SPMIP11: variants seen among roughly 807,000 people sequenced by gnomAD.
SPMIP11 encodes the protein long intergenic non-protein coding RNA 935.
the SPMIP11 span, among the ~76,000 whole-genome samples, chr12:48,754,957 G>A: frequency 1.3e-5 from 2 of 149,150 alleles, no homozygotes. Context: ...ATGCCTGGCT[G>A]CAAATACCCT....
chr12:48,738,611 T>C, the SPMIP11 span, among the ~76,000 whole-genome samples: 1 of 151,856 alleles, frequency 6.6e-6, no homozygotes, highest in Non-Finnish European at 1.5e-5. Context: ...CTTGGCTCAC[T>C]GCAAGCTCCG....
the SPMIP11 span, among the ~76,000 whole-genome samples, chr12:48,741,965 C>T: frequency 6.6e-6 from 1 of 152,184 alleles, no homozygotes; most frequent in Non-Finnish European, 1.5e-5. Flanking sequence ...ATCAAACTTT[C>T]ACCCACTGAT....
At chr12:48,738,919 C>G in the SPMIP11 span, among the ~76,000 whole-genome samples, 1 of 124,940 alleles carries the variant, frequency 8.0e-6, no homozygotes, top group East Asian at 2.8e-4. Flanking sequence ...ACCTTCATAT[C>G]AGAACTTTTT....
chr12:48,744,835 AG>A, the SPMIP11 span, among the ~76,000 whole-genome samples: 1 of 152,012 alleles, frequency 6.6e-6, no homozygotes, highest in Admixed American at 6.6e-5. Context: ...AGAAAGAAGA[AG>A]AAAAAAAGAA....
chr12:48,742,277 CCTTTTTT>C, the SPMIP11 span, among the ~76,000 whole-genome samples: 2 of 87,216 alleles, frequency 2.3e-5, no homozygotes, highest in South Asian at 4.0e-4. Flanking sequence ...CTTTTCTTTT[CCTTTTTT>C]TTTTTTTTTT....
the SPMIP11 span, among the ~76,000 whole-genome samples, chr12:48,735,355 C>T: frequency 1.2e-4 from 18 of 152,178 alleles, no homozygotes; most frequent in African/African-American, 4.3e-4. Flanking sequence ...CACCTGTAAT[C>T]CCAACTCTTC....
chr12:48,760,472 C>T, the SPMIP11 span, among the ~76,000 whole-genome samples: 3 of 150,112 alleles, frequency 2.0e-5, no homozygotes, highest in African/African-American at 7.4e-5. Flanking sequence ...GCCACCACAC[C>T]CAGCCCATTT....
chr12:48,732,522 C>T, the SPMIP11 span, among the ~76,000 whole-genome samples: 1 of 152,096 alleles, frequency 6.6e-6, no homozygotes, highest in Non-Finnish European at 1.5e-5. Context: ...GTAATCCCAG[C>T]ACTTTGGGAG....
chr12:48,756,658 G>T, the SPMIP11 span, among the ~76,000 whole-genome samples: 12 of 152,084 alleles, frequency 7.9e-5, no homozygotes, highest in Non-Finnish European at 1.2e-4. Flanking sequence ...TCCAGTTCCT[G>T]ACAAGCATCC....
the SPMIP11 span, among the ~76,000 whole-genome samples, chr12:48,732,904 G>A: frequency 1.3e-5 from 2 of 150,248 alleles, no homozygotes. Context: ...ACTTTGGGAG[G>A]CCAAAGCTAC....
chr12:48,770,737 A>C, the SPMIP11 span: 30 of 1,604,118 alleles, frequency 1.9e-5, no homozygotes, highest in African/African-American at 2.7e-5. Context: ...AGTCCTGGGA[A>C]AACCCGCCAA....
the SPMIP11 span, among the ~76,000 whole-genome samples, chr12:48,729,492 C>T: frequency 6.6e-6 from 1 of 151,762 alleles, no homozygotes; most frequent in Non-Finnish European, 1.5e-5. Context: ...TGAGATTGAG[C>T]CACTGCACTC....
the SPMIP11 span, among the ~76,000 whole-genome samples, chr12:48,739,456 A>C: frequency 6.6e-6 from 1 of 152,180 alleles, no homozygotes; most frequent in East Asian, 1.9e-4. Context: ...TCTGTCCTAT[A>C]CCTGTGCCAG....
chr12:48,744,491 T>C, the SPMIP11 span, among the ~76,000 whole-genome samples: 1 of 152,082 alleles, frequency 6.6e-6, no homozygotes, highest in African/African-American at 2.4e-5. Flanking sequence ...CCTGGCACTT[T>C]GGGAGGCTGA....
chr12:48,756,306 C>A, the SPMIP11 span, among the ~76,000 whole-genome samples: 2 of 152,102 alleles, frequency 1.3e-5, no homozygotes, highest in Non-Finnish European at 2.9e-5. Flanking sequence ...TGATGAAGTA[C>A]AAATCAGCCC....
chr12:48,751,796 G>T, the SPMIP11 span, among the ~76,000 whole-genome samples: 392 of 152,150 alleles, frequency 2.6e-3, 1 homozygote, highest in African/African-American at 9.0e-3. Context: ...GCCGGGTGCG[G>T]TGGCTCACAC....
chr12:48,753,319 C>T, the SPMIP11 span, among the ~76,000 whole-genome samples: 1 of 152,320 alleles, frequency 6.6e-6, no homozygotes, highest in African/African-American at 2.4e-5. Flanking sequence ...CTGTGCACAT[C>T]CAAAGGGCCT....
At chr12:48,763,546 A>T in the SPMIP11 span, among the ~76,000 whole-genome samples, 1 of 152,180 alleles carries the variant, frequency 6.6e-6, no homozygotes, top group African/African-American at 2.4e-5. Flanking sequence ...TACTCAATGA[A>T]TTATTAGGGA....
chr12:48,761,719 C>CT, the SPMIP11 span, among the ~76,000 whole-genome samples: 7,466 of 95,264 alleles, frequency 0.078, 816 homozygotes, highest in African/African-American at 0.2. Context: ...ATATAACATT[C>CT]TTTTTTTTTT....
Sources: gnomAD v4.1 joint callset for allele counts (sites outside exome capture counted in the v4.1 genomes callset) on GRCh38, gnomAD v4.1.1 for gene constraint, MANE v1.5 for transcripts, NCBI Gene and HGNC (gene_info 2026-07-23, HGNC 2026-07-21) for gene names.